ADCY9: variants seen among roughly 807,000 people sequenced by gnomAD.
The protein encoded by ADCY9 is adenylate cyclase 9.
Under a neutral mutation model 101.5 loss-of-function variants are expected in ADCY9, and 50 were observed. The observed-to-expected ratio is 0.49, with a 90% CI of 0.39 to 0.62. The LOEUF is 0.62. ADCY9 is among the 20% of genes least tolerant of loss of function. The pLI, the probability that ADCY9 is intolerant of heterozygous loss-of-function variation, is 0.00. For missense variants in ADCY9, 1,662 were observed against 1,800.4 expected (o/e 0.92, Z 1.39); for synonymous variants, 905 against 769.3 (o/e 1.18, Z -2.92).
rs778100108 is a variant in ADCY9, at chr16:3,989,088, T to C, written c.2216A>G (p.Lys739Arg). Residue 739 changes from lysine to arginine, a missense_variant, in exon 6 of 11, where the codon AAA (lysine) becomes AGA (arginine). Around this residue, in one of 5 missense-constraint regions of ADCY9, gnomAD observed 624 missense variants for 639.1 expected, o/e 0.98. Coordinates refer to ENST00000294016, the MANE Select transcript of ADCY9 (RefSeq NM_001116.4). The part of the protein sequence containing the change: ...VDVIKEDSLM[K>R]DYFFKPPINQ... ...AATGGGCGGCTTAAAAAAGTAATCT[T>C]TCATCAGGCTAGAAGACACAACAAA... 1 of 1,612,838 alleles carries C rather than the reference T, an allele frequency of 6.2e-7. No homozygotes were observed. The highest frequency in any genetic ancestry group is 8.5e-7 in the Non-Finnish European group (1 of 1,178,874).
At chr16:3,961,284 CA>C (rs542020468), downstream of ADCY9, among the ~76,000 whole-genome samples, 3 of 151,570 alleles carry the variant, frequency 2.0e-5, no homozygotes, top group Non-Finnish European at 2.9e-5. Flanking sequence ...CCCGTCTCTG[CA>C]AAAAAATACA....
chr16:4,057,666 C>G (rs1466141441), intron 2 of ADCY9, among the ~76,000 whole-genome samples: 1 of 152,222 alleles, frequency 6.6e-6, no homozygotes, highest in Non-Finnish European at 1.5e-5. Context: ...AAGCTCTCTC[C>G]TCTGTCTGAA....
intron 2 of ADCY9, among the ~76,000 whole-genome samples, chr16:4,079,221 T>C (rs1384122592): frequency 1.3e-5 from 2 of 152,168 alleles, no homozygotes; most frequent in African/African-American, 2.4e-5. Flanking sequence ...CTGAATAAAT[T>C]ATAGTACATC....
At chr16:3,983,483 G>A in intron 6 of ADCY9, 43 bp from the exon 7 acceptor site, 1 of 1,535,734 alleles carries the variant, frequency 6.5e-7, no homozygotes, top group Non-Finnish European at 8.9e-7. Context: ...GGAGGCCATG[G>A]GCGGCCAGGA....
Position 4,101,279 on chromosome 16 carries a change from T to C in ADCY9, c.1693+12471A>G, listed in dbSNP as rs2057041657. On this transcript the variant is annotated intron_variant, in intron 2 of 10. Coordinates refer to ENST00000294016, the MANE Select transcript of ADCY9 (RefSeq NM_001116.4). The stretch of plus-strand genomic sequence containing the variant: ...AAGTCTAGTACAATATTTGTTCAGG[T>C]GATTTTTTTTTTTTTTTTTGAGACA... Among the ~76,000 whole-genome samples the C allele has an allele frequency of 3.0e-5, 3 of 101,454 alleles. No individual in the cohort carries two copies. In the South Asian group the frequency reaches 1.1e-3, roughly 38 times the overall value. 66.6% of individuals were successfully genotyped at this position (101,454 alleles called of 152,430 possible). A position where few individuals can be genotyped will look rare whatever the true frequency, so the allele number is the denominator to read the frequency against.
rs1161073965 is a variant in ADCY9 at position 3,962,742 on chromosome 16, G to A, written c.*3033C>T. ...AACAATTTAAAAAGAGCAGATAAAAGGATATATGGAAAATGCAAACAGTCG... is the reference window on the plus strand; with the variant it reads ...AACAATTTAAAAAGAGCAGATAAAAAGATATATGGAAAATGCAAACAGTCG... On this transcript the variant is annotated 3_prime_UTR_variant, in exon 11 of 11. Transcript: ENST00000294016. 1.3e-5 allele frequency: 2 copies of A among 152,218 alleles called. No homozygotes were observed. Among genetic ancestry groups the A allele is most frequent in the Non-Finnish European group, 2.9e-5 (2 of 68,038 alleles). 9.4% of individuals were successfully genotyped at this position (152,218 alleles called of 1,614,324 possible).
intron 2 of ADCY9, among the ~76,000 whole-genome samples, chr16:4,008,764 T>G (rs1312638766): frequency 6.6e-6 from 1 of 152,160 alleles, no homozygotes; most frequent in Non-Finnish European, 1.5e-5. Flanking sequence ...GGTTTCTCCA[T>G]GTCGGCCAGA....
chr16:3,989,653 G>C (rs1469727232), intron 5 of ADCY9, among the ~76,000 whole-genome samples: 1 of 152,164 alleles, frequency 6.6e-6, no homozygotes, highest in Non-Finnish European at 1.5e-5. Context: ...GTGCTGGGAT[G>C]ACAGCGTGAG....
chr16:4,102,704 C>A (rs1038594046), intron 2 of ADCY9, among the ~76,000 whole-genome samples: 1 of 151,944 alleles, frequency 6.6e-6, no homozygotes, highest in East Asian at 1.9e-4. Flanking sequence ...GGATTACAGG[C>A]GTGACTCACT....
At chr16:4,056,533 C>T (rs1047902923) in intron 2 of ADCY9, among the ~76,000 whole-genome samples, 8 of 152,128 alleles carry the variant, frequency 5.3e-5, no homozygotes, top group Non-Finnish European at 1.2e-4. Flanking sequence ...GGATTACAGC[C>T]GTGAGCCACC....
intron 6 of ADCY9, among the ~76,000 whole-genome samples, chr16:3,988,553 AG>A (rs2056216250): frequency 6.5e-5 from 1 of 15,466 alleles, no homozygotes; most frequent in African/African-American, 2.9e-4. Context: ...GCAGGTGGGG[AG>A]GGGTTCCTTT....
intron 3 of ADCY9, among the ~76,000 whole-genome samples, chr16:4,005,572 C>A (rs1035254172): frequency 6.6e-6 from 1 of 152,152 alleles, no homozygotes; most frequent in Admixed American, 6.5e-5. Context: ...AAACTTTCAA[C>A]AATATTTGGA....
intron 5 of ADCY9, among the ~76,000 whole-genome samples, chr16:3,955,425 A>G (rs2055901869): frequency 6.6e-6 from 1 of 152,188 alleles, no homozygotes; most frequent in South Asian, 2.1e-4. Context: ...AATGTCCTGA[A>G]AGTTCACATA....
At chr16:4,013,241 C>A (rs2056415260) in intron 2 of ADCY9, among the ~76,000 whole-genome samples, 1 of 98,804 alleles carries the variant, frequency 1.0e-5, no homozygotes, top group African/African-American at 3.5e-5. Context: ...GAGTGAGACC[C>A]TGTCTCAAAA....
Position 3,965,957 on chromosome 16 carries a change from C to A in ADCY9, c.3880G>T (p.Gly1294Cys), listed in dbSNP as rs776569230. The A allele has an allele frequency of 6.2e-7, 1 of 1,614,176 alleles. No individual in the cohort carries two copies. Among genetic ancestry groups the A allele is most frequent in the South Asian group, 1.1e-5 (1 of 91,086 alleles). Reference protein sequence around the residue: ...SVQYVDKTSLGSDSSTQAKDA... With the variant: ...SVQYVDKTSLCSDSSTQAKDA... ...TTGGCCTGCGTGCTGCTGTCAGAAC[C>A]CAGAGATGTCTTGTCCACATACTGG... Residue 1294 changes from glycine (G) to cysteine (C), a missense_variant, in exon 11 of 11, where the codon GGT (glycine) becomes TGT (cysteine). Gly to Cys is a radical substitution (Grantham distance 159, BLOSUM62 -3). Transcript: ENST00000294016.
At chr16:4,051,650 G>C (rs1265303717) in intron 2 of ADCY9, among the ~76,000 whole-genome samples, 1 of 152,158 alleles carries the variant, frequency 6.6e-6, no homozygotes, top group Non-Finnish European at 1.5e-5. Flanking sequence ...GGGTATCGAA[G>C]CAAATGATAA....
At chr16:3,987,744 C>T (rs1222948985) in intron 6 of ADCY9, among the ~76,000 whole-genome samples, 1 of 152,148 alleles carries the variant, frequency 6.6e-6, no homozygotes, top group South Asian at 2.1e-4. Flanking sequence ...GCCAGGACAC[C>T]ACGGAGTTTA....
intron 2 of ADCY9, among the ~76,000 whole-genome samples, chr16:4,104,961 C>T (rs1255399877): frequency 1.3e-5 from 2 of 151,478 alleles, no homozygotes; most frequent in South Asian, 2.1e-4. Context: ...CCCAGCTACT[C>T]GAGAGGCTGA....
At chr16:3,984,261 C>A (rs1418062199) in intron 6 of ADCY9, 1 of 152,240 alleles carries the variant, frequency 6.6e-6, no homozygotes, top group Admixed American at 6.5e-5. Flanking sequence ...ATGGCGGAGT[C>A]CTAGGTTCAG....
Sources: allele counts gnomAD v4.1 joint callset (sites outside exome capture counted in the v4.1 genomes callset), GRCh38; gene constraint gnomAD v4.1.1; regional missense constraint gnomAD v4.1.1; transcripts MANE v1.5; gene names NCBI Gene and HGNC (gene_info 2026-07-23, HGNC 2026-07-21).